RABGAP1L: variants seen among roughly 807,000 people sequenced by gnomAD.
RABGAP1L encodes RAB GTPase activating protein 1 like, also known as rab GTPase-activating protein 1-like.
In RABGAP1L, 63 loss-of-function variants were observed where a neutral mutation model predicts 137.7. The observed-to-expected ratio is 0.46, with a 90% CI of 0.37 to 0.56. RABGAP1L has a LOEUF of 0.56. Among genes scored for constraint, RABGAP1L ranks in the 20% least tolerant of loss-of-function variants. RABGAP1L has a pLI of 0.00. For missense variants in RABGAP1L, 1,095 were observed against 1,244.0 expected (o/e 0.88, Z 1.80); for synonymous variants, 431 against 433.7 (o/e 0.99, Z 0.08).
At chr1:174,338,824 G>A (rs1378316329) in intron 11 of RABGAP1L, among the ~76,000 whole-genome samples, 14 of 151,998 alleles carry the variant, frequency 9.2e-5, no homozygotes. Flanking sequence ...AGGAGCCTCA[G>A]GTTGTCAAAT....
chr1:174,885,593 T>C (rs1654943773), intron 19 of RABGAP1L, among the ~76,000 whole-genome samples: 1 of 151,968 alleles, frequency 6.6e-6, no homozygotes, highest in Non-Finnish European at 1.5e-5. Flanking sequence ...TGAGCTCAAG[T>C]GATCCTCCCC....
At chr1:174,817,316 C>T (rs1415914793) in intron 19 of RABGAP1L, among the ~76,000 whole-genome samples, 4 of 152,050 alleles carry the variant, frequency 2.6e-5, no homozygotes, top group South Asian at 4.1e-4. Flanking sequence ...CCTGTTGTGT[C>T]CCAGGAACTA....
chr1:174,946,980 G>GTA (rs1553291102), intron 19 of RABGAP1L, among the ~76,000 whole-genome samples: 17,974 of 77,534 alleles, frequency 0.23, 3,034 homozygotes, highest in Admixed American at 0.34. Context: ...GTGTGTGTGT[G>GTA]TATATATATG....
In RABGAP1L at chr1:174,905,680, A is replaced by G. The variant is rs931648619; in HGVS notation, c.2341-51777A>G. Reference sequence around the variant, plus strand: ...AGCGTGGCCAACGTGATGAAACCTCATCTCTACTAAAAATACCAAAATTAG... The same window carrying G: ...AGCGTGGCCAACGTGATGAAACCTCGTCTCTACTAAAAATACCAAAATTAG... On this transcript the variant is annotated intron_variant, in intron 19 of 25. Coordinates refer to ENST00000681986, the MANE Select transcript of RABGAP1L (RefSeq NM_001366446.1). Among the ~76,000 whole-genome samples, 5 of 151,902 alleles carry G rather than the reference A, an allele frequency of 3.3e-5. No homozygotes were observed. In the East Asian group the frequency reaches 5.8e-4, roughly 18 times the overall value.
chr1:174,752,944 A>G (rs1017379811), intron 18 of RABGAP1L, among the ~76,000 whole-genome samples: 1 of 152,208 alleles, frequency 6.6e-6, no homozygotes, highest in African/African-American at 2.4e-5. Context: ...AAGATAACCC[A>G]GCTGGTTTTT....
intron 18 of RABGAP1L, among the ~76,000 whole-genome samples, chr1:174,808,233 C>T (rs565930329): frequency 1.2e-4 from 19 of 152,030 alleles, no homozygotes; most frequent in Non-Finnish European, 1.3e-4. Context: ...GTGATCTGCC[C>T]GTCTCAGCCT....
At chr1:174,749,284 T>A (rs1010913883) in intron 17 of RABGAP1L, among the ~76,000 whole-genome samples, 1 of 151,866 alleles carries the variant, frequency 6.6e-6, no homozygotes, top group Non-Finnish European at 1.5e-5. Context: ...AGGTCATAGG[T>A]GGATTCAAAA....
intron 1 of RABGAP1L, among the ~76,000 whole-genome samples, chr1:174,162,318 A>G (rs771514561): frequency 2.2e-4 from 33 of 152,130 alleles, no homozygotes; most frequent in Non-Finnish European, 4.4e-4. Context: ...CAGCCATTGT[A>G]TATTTATTTG....
At chr1:174,281,259 GCTGATTGGTCCATTTTACAGAGCA>G (rs1471700232) in intron 10 of RABGAP1L, among the ~76,000 whole-genome samples, 155 of 152,222 alleles carry the variant, frequency 1.0e-3, no homozygotes, top group African/African-American at 3.5e-3. Flanking sequence ...CCTGCGCCCT[GCTGATTGGTCCATTTTACAGAGCA>G]CTGATTGGTC....
chr1:174,304,453 A>G (rs1469256690), intron 10 of RABGAP1L, among the ~76,000 whole-genome samples: 1 of 151,898 alleles, frequency 6.6e-6, no homozygotes, highest in African/African-American at 2.4e-5. Flanking sequence ...AATTAAATCC[A>G]TATATATTTA....
chr1:174,241,425 T>G (rs1240053441), intron 4 of RABGAP1L, 58 bp from the exon 5 acceptor site: 6 of 1,205,018 alleles, frequency 5.0e-6, no homozygotes, highest in Non-Finnish European at 6.7e-6. Flanking sequence ...TAACTGGAAA[T>G]ATGTCTTTGT....
At chr1:174,600,095 G>A (rs1427182297) in intron 13 of RABGAP1L, among the ~76,000 whole-genome samples, 1 of 152,122 alleles carries the variant, frequency 6.6e-6, no homozygotes, top group Non-Finnish European at 1.5e-5. Flanking sequence ...CTTCTTATAT[G>A]GCAGCAGCAA....
chr1:174,699,437 G>T, intron 15 of RABGAP1L, 88 bp from the exon 16 acceptor site: 2 of 1,250,290 alleles, frequency 1.6e-6, no homozygotes, highest in Non-Finnish European at 2.2e-6. Context: ...AGCTACTTAT[G>T]CAGAGGACTA....
chr1:174,596,965 T>G (rs1669987680), intron 13 of RABGAP1L, among the ~76,000 whole-genome samples: 1 of 152,214 alleles, frequency 6.6e-6, no homozygotes, highest in African/African-American at 2.4e-5. Context: ...TTTGTATCAA[T>G]TGAAATGATC....
chr1:174,956,876 G>C (rs757133687), intron 19 of RABGAP1L, among the ~76,000 whole-genome samples: 1 of 151,990 alleles, frequency 6.6e-6, no homozygotes, highest in Non-Finnish European at 1.5e-5. Context: ...TCGAACTCCT[G>C]ACCTCAAGTG....
chr1:174,772,796 T>C (rs1405003917), intron 18 of RABGAP1L, among the ~76,000 whole-genome samples: 1 of 152,110 alleles, frequency 6.6e-6, no homozygotes, highest in Non-Finnish European at 1.5e-5. Context: ...CTCTATGAAT[T>C]TGGCTACTCT....
rs1231308222 is a variant in RABGAP1L, at chr1:174,550,957, T to TAC, written c.1711-86414_1711-86413dup. ...ACACATATATATACACACATATATATACACATATATATACATGTATATATA... is the reference window on the plus strand; with the variant it reads ...ACACATATATATACACACATATATATACACACATATATATACATGTATATATA... On this transcript the variant is annotated intron_variant, in intron 13 of 25. Coordinates refer to ENST00000681986, the MANE Select transcript of RABGAP1L (RefSeq NM_001366446.1). 4.5e-4 allele frequency among the ~76,000 whole-genome samples: 55 copies of TAC among 123,064 alleles called. 2 individuals are homozygous for TAC. Among genetic ancestry groups the TAC allele is most frequent in the East Asian group, 1.7e-3 (8 of 4,612 alleles). 80.7% of individuals were successfully genotyped at this position (123,064 alleles called of 152,430 possible).
At chr1:174,469,907 G>T (rs1657721405) in intron 13 of RABGAP1L, among the ~76,000 whole-genome samples, 1 of 151,906 alleles carries the variant, frequency 6.6e-6, no homozygotes, top group African/African-American at 2.4e-5. Context: ...ACCCTTTAAA[G>T]CCTCGTGGGG....
At chr1:174,611,364 G>T (rs1375120140) in intron 13 of RABGAP1L, among the ~76,000 whole-genome samples, 1 of 152,096 alleles carries the variant, frequency 6.6e-6, no homozygotes, top group Non-Finnish European at 1.5e-5. Flanking sequence ...TCAGATAGTT[G>T]TAGATATGTG....
Sources: gnomAD v4.1 joint callset for allele counts (sites outside exome capture counted in the v4.1 genomes callset) on GRCh38, gnomAD v4.1.1 for gene constraint, MANE v1.5 for transcripts, NCBI Gene and HGNC (gene_info 2026-07-23, HGNC 2026-07-21) for gene names.